The following EXOC6 variants were observed in gnomAD, a reference collection of about 807,000 sequenced individuals.
EXOC6 encodes the protein exocyst complex component 6.
Under a neutral mutation model 112.5 loss-of-function variants are expected in EXOC6, and 60 were observed. The observed-to-expected ratio is 0.53, with a 90% CI of 0.43 to 0.66. EXOC6 has a LOEUF of 0.66. Among genes scored for constraint, EXOC6 ranks in the 30% least tolerant of loss-of-function variants. The probability of loss-of-function intolerance (pLI) is 0.00; values close to 1 mark genes in which losing one functional copy is unlikely to be tolerated. For missense variants in EXOC6, 855 were observed against 957.1 expected, an observed-to-expected ratio of 0.89 and a Z score of 1.41; for synonymous variants, 295 against 308.0, an observed-to-expected ratio of 0.96 and a Z score of 0.44.
At chr10:93,037,078 A>G (rs1845545720) in intron 20 of EXOC6, among the ~76,000 whole-genome samples, 1 of 152,180 alleles carries the variant, frequency 6.6e-6, no homozygotes, top group Non-Finnish European at 1.5e-5. Context: ...GCATTACTCA[A>G]CAAGGAGCTA....
chr10:92,896,177 A>T (rs1295824869), intron 4 of EXOC6, among the ~76,000 whole-genome samples: 6 of 16,158 alleles, frequency 3.7e-4, no homozygotes, highest in Admixed American at 1.6e-3. Flanking sequence ...ATATATATAT[A>T]TATATTTTTT....
At chr10:92,957,787 A>T (rs1279486312) in intron 17 of EXOC6, among the ~76,000 whole-genome samples, 1 of 152,202 alleles carries the variant, frequency 6.6e-6, no homozygotes, top group Non-Finnish European at 1.5e-5. Context: ...GGATTGTTAA[A>T]TCAATATTAA....
intron 18 of EXOC6, among the ~76,000 whole-genome samples, chr10:92,983,491 TTTC>T (rs1842897513): frequency 7.0e-5 from 1 of 14,338 alleles, no homozygotes; most frequent in South Asian, 4.6e-3. Context: ...TATTTCTTTC[TTTC>T]TTCTTCTTTT....
At chr10:92,984,512 T>C (rs2134133229) in intron 18 of EXOC6, among the ~76,000 whole-genome samples, 1 of 152,072 alleles carries the variant, frequency 6.6e-6, no homozygotes, top group South Asian at 2.1e-4. Flanking sequence ...GATCCCAGGC[T>C]TCTTGTTTTT....
At chr10:92,927,958 T>G (rs559979819) in intron 8 of EXOC6, among the ~76,000 whole-genome samples, 1 of 152,322 alleles carries the variant, frequency 6.6e-6, no homozygotes, top group South Asian at 2.1e-4. Context: ...GGGGCTTGTA[T>G]AACATGCTCA....
intron 13 of EXOC6, among the ~76,000 whole-genome samples, chr10:92,945,487 C>T (rs1852940556): frequency 1.3e-5 from 2 of 152,170 alleles, no homozygotes; most frequent in East Asian, 1.9e-4. Context: ...GATTGCCTAG[C>T]CCTAGTATAG....
chr10:93,053,060 T>G (rs1846375746), intron 20 of EXOC6, among the ~76,000 whole-genome samples: 1 of 152,308 alleles, frequency 6.6e-6, no homozygotes, highest in East Asian at 1.9e-4. Context: ...AAGAACATAG[T>G]GCATCCTGTG....
At chr10:92,849,444 A>G (rs1269616230) in intron 1 of EXOC6, among the ~76,000 whole-genome samples, 2 of 152,206 alleles carry the variant, frequency 1.3e-5, no homozygotes, top group Admixed American at 1.3e-4. Context: ...TGCTGTTCCA[A>G]TAGAATATTA....
chr10:92,828,057 A>G (rs1380608766), intron 1 of EXOC6, among the ~76,000 whole-genome samples: 1 of 152,148 alleles, frequency 6.6e-6, no homozygotes, highest in Non-Finnish European at 1.5e-5. Context: ...ACCTGTTGCT[A>G]GTATACAGAT....
In EXOC6 at chr10:92,954,667, A is replaced by C; in HGVS notation, c.1564A>C (p.Asn522His). The change falls in exon 16 of 22, where the codon AAT becomes CAT. Residue 522 changes from asparagine (N) to histidine (H), a missense_variant. Transcript: ENST00000260762. ...EIDDMLRKST[N>H]LLLTRTLSSC... ...AGACGATATGCTTAGAAAATCAACAAATCTGCTGCTGACCAGAACTTTGAG... is the reference window on the plus strand; with the variant it reads ...AGACGATATGCTTAGAAAATCAACACATCTGCTGCTGACCAGAACTTTGAG... The C allele has an allele frequency of 3.1e-6, 5 of 1,608,778 alleles. No individual in the cohort carries two copies. The highest frequency in any genetic ancestry group is 4.2e-6 in the Non-Finnish European group (5 of 1,176,612).
At chr10:92,973,304 AGTACT>A (rs1175167123) in intron 17 of EXOC6, among the ~76,000 whole-genome samples, 1 of 152,218 alleles carries the variant, frequency 6.6e-6, no homozygotes, top group Admixed American at 6.5e-5. Flanking sequence ...GTCTTTTGAG[AGTACT>A]GTAGAGCTGG....
chr10:92,886,592 C>A (rs1329551152), intron 1 of EXOC6, among the ~76,000 whole-genome samples: 1 of 152,244 alleles, frequency 6.6e-6, no homozygotes, highest in African/African-American at 2.4e-5. Context: ...TAGTTCAGAG[C>A]ACTGACTTTG....
intron 15 of EXOC6, among the ~76,000 whole-genome samples, chr10:92,952,823 C>A (rs1853494201): frequency 6.6e-6 from 1 of 152,076 alleles, no homozygotes; most frequent in Non-Finnish European, 1.5e-5. Flanking sequence ...TGTTTATATA[C>A]CACATTTTCT....
intron 1 of EXOC6, among the ~76,000 whole-genome samples, chr10:92,888,007 T>C (rs2133794216): frequency 6.6e-6 from 1 of 152,316 alleles, no homozygotes; most frequent in East Asian, 1.9e-4. Context: ...ATGTCTGGAA[T>C]AGCAAATGGT....
At chr10:92,974,013 ATC>A (rs1842400172) in intron 17 of EXOC6, 38 bp from the exon 18 acceptor site, 2 of 1,441,594 alleles carry the variant, frequency 1.4e-6, no homozygotes, top group East Asian at 2.4e-5. Flanking sequence ...TTGTTTTATT[ATC>A]TGTTTCTTGT....
At chr10:92,839,243 C>T (rs1846756581) in intron 1 of EXOC6, among the ~76,000 whole-genome samples, 1 of 152,146 alleles carries the variant, frequency 6.6e-6, no homozygotes, top group African/African-American at 2.4e-5. Context: ...GTTTAGGTTT[C>T]CTGATTTTCA....
chr10:92,899,786 C>A, intron 5 of EXOC6, 142 bp downstream of exon 5: 1 of 540,456 alleles, frequency 1.9e-6, no homozygotes, highest in Admixed American at 3.6e-5. Flanking sequence ...ATTTGCGCAT[C>A]AGGATAATCC....
chr10:92,936,992 A>G (rs1271517761), intron 12 of EXOC6, among the ~76,000 whole-genome samples: 4 of 152,166 alleles, frequency 2.6e-5, no homozygotes, highest in East Asian at 1.9e-4. Context: ...ATTAGGAACA[A>G]TGTCACCCCC....
chr10:92,978,845 GC>G (rs1842727375), intron 18 of EXOC6, among the ~76,000 whole-genome samples: 1 of 152,164 alleles, frequency 6.6e-6, no homozygotes, highest in African/African-American at 2.4e-5. Flanking sequence ...AGCAGAACAA[GC>G]CATCCTACTT....
Sources: allele counts gnomAD v4.1 joint callset (sites outside exome capture counted in the v4.1 genomes callset), GRCh38; gene constraint gnomAD v4.1.1; transcripts MANE v1.5; gene names NCBI Gene and HGNC (gene_info 2026-07-23, HGNC 2026-07-21).